Variants in MALRD1 observed in about 807,000 individuals in gnomAD.
MALRD1 encodes MAM and LDL receptor class A domain containing 1.
MALRD1 carries 247 observed loss-of-function variants against 242.1 expected under a neutral mutation model. That is an observed-to-expected ratio of 1.02 (90% confidence interval 0.92 to 1.13). The LOEUF is 1.13. Among genes scored for constraint, MALRD1 ranks in the 50% most tolerant of loss-of-function variants. The probability of loss-of-function intolerance (pLI) is 0.00; values close to 1 mark genes in which losing one functional copy is unlikely to be tolerated. For synonymous variants in MALRD1, 995 were observed against 866.6 expected, an observed-to-expected ratio of 1.15 and a Z score of -2.60; for missense variants, 2,989 against 2,533.1, an observed-to-expected ratio of 1.18 and a Z score of -3.86.
rs868503523 is a variant in MALRD1, at chr10:19,238,446, C to T, written c.2992-19238C>T. On this transcript the variant is annotated intron_variant, in intron 18 of 39. Coordinates refer to ENST00000454679, the MANE Select transcript of MALRD1 (RefSeq NM_001142308.3). ...TACATTATATATAATATATAATATA[C>T]ATTATATATAATATATAATATAATA... Among the ~76,000 whole-genome samples the T allele has an allele frequency of 3.4e-3, 103 of 30,208 alleles. 4 individuals are homozygous for T. The highest frequency in any genetic ancestry group is 5.0e-3 in the Non-Finnish European group (89 of 17,806). 19.8% of individuals were successfully genotyped at this position (30,208 alleles called of 152,430 possible).
intron 28 of MALRD1, among the ~76,000 whole-genome samples, chr10:19,435,206 TTAAC>T (rs1353801756): frequency 1.3e-5 from 2 of 151,696 alleles, no homozygotes; most frequent in Non-Finnish European, 2.9e-5. Flanking sequence ...ATTTATTTAA[TTAAC>T]TGCCTTATTT....
intron 4 of MALRD1, among the ~76,000 whole-genome samples, chr10:19,101,536 A>T (rs1230749401): frequency 3.7e-5 from 5 of 135,288 alleles, no homozygotes; most frequent in African/African-American, 1.3e-4. Flanking sequence ...TAATATTGAT[A>T]TTATAACATA....
chr10:19,215,701 G>T (rs1477584924), intron 18 of MALRD1, among the ~76,000 whole-genome samples: 3 of 151,764 alleles, frequency 2.0e-5, no homozygotes, highest in East Asian at 3.9e-4. Context: ...ACTAGATCCT[G>T]TGCAGACGTG....
At chr10:19,584,339 T>A (rs1321013587) in intron 33 of MALRD1, among the ~76,000 whole-genome samples, 8 of 152,160 alleles carry the variant, frequency 5.3e-5, no homozygotes, top group Non-Finnish European at 1.0e-4. Flanking sequence ...TTGGATCTTT[T>A]CTGCTTTCTC....
intron 24 of MALRD1, among the ~76,000 whole-genome samples, chr10:19,346,003 T>G (rs1844103480): frequency 6.6e-6 from 1 of 152,114 alleles, no homozygotes; most frequent in South Asian, 2.1e-4. Context: ...CAGGATGGTC[T>G]TGAACTCCTA....
chr10:19,547,384 C>A (rs1030310163), intron 32 of MALRD1, among the ~76,000 whole-genome samples: 1 of 152,056 alleles, frequency 6.6e-6, no homozygotes, highest in African/African-American at 2.4e-5. Flanking sequence ...ATGTCCAACA[C>A]CCAGTCACTA....
At chr10:19,396,435 C>T (rs372327641) in intron 28 of MALRD1, among the ~76,000 whole-genome samples, 22 of 152,106 alleles carry the variant, frequency 1.4e-4, no homozygotes, top group African/African-American at 5.3e-4. Flanking sequence ...GTGCTGGCCT[C>T]GTTTATTTCT....
At chr10:19,192,937 T>C (rs943959302) in intron 14 of MALRD1, among the ~76,000 whole-genome samples, 1 of 151,466 alleles carries the variant, frequency 6.6e-6, no homozygotes, top group Non-Finnish European at 1.5e-5. Context: ...GCTTTTTTTT[T>C]CCAGCTGCTT....
chr10:19,432,623 A>T (rs907833623), intron 28 of MALRD1, among the ~76,000 whole-genome samples: 32 of 152,344 alleles, frequency 2.1e-4, no homozygotes, highest in African/African-American at 7.5e-4. Flanking sequence ...TTAAATTGTG[A>T]TAGGAAGACA....
At chr10:19,363,431 C>T (rs756086999) in intron 26 of MALRD1, among the ~76,000 whole-genome samples, 2 of 152,116 alleles carry the variant, frequency 1.3e-5, no homozygotes, top group Admixed American at 1.3e-4. Context: ...GGAGTGACTA[C>T]GTCAGATGTT....
intron 21 of MALRD1, 110 bp from the exon 22 acceptor site, chr10:19,323,839 G>C (rs774633804): frequency 2.8e-5 from 26 of 915,812 alleles, no homozygotes; most frequent in Non-Finnish European, 4.0e-5. Flanking sequence ...TCGAACTCCT[G>C]ACTGCAGGTG....
At chr10:19,525,048 G>C (rs1429105196) in intron 31 of MALRD1, among the ~76,000 whole-genome samples, 2 of 151,592 alleles carry the variant, frequency 1.3e-5, no homozygotes, top group Non-Finnish European at 2.9e-5. Flanking sequence ...GGGATTACAG[G>C]CATGTACCAC....
At chr10:19,566,784 A>G (rs996362260) in intron 32 of MALRD1, among the ~76,000 whole-genome samples, 9 of 151,900 alleles carry the variant, frequency 5.9e-5, no homozygotes, top group African/African-American at 2.2e-4. Flanking sequence ...TAGGTGCAAA[A>G]AGAGAATATA....
intron 38 of MALRD1, among the ~76,000 whole-genome samples, chr10:19,704,162 T>C (rs1833752506): frequency 6.6e-6 from 1 of 152,156 alleles, no homozygotes; most frequent in African/African-American, 2.4e-5. Context: ...ATAACATATA[T>C]TCATGTGAAA....
chr10:19,301,472 A>C (rs1005742610), intron 21 of MALRD1, among the ~76,000 whole-genome samples: 1 of 151,950 alleles, frequency 6.6e-6, no homozygotes, highest in Non-Finnish European at 1.5e-5. Flanking sequence ...CTAAATTCCC[A>C]TCAACAGCAG....
intron 11 of MALRD1, among the ~76,000 whole-genome samples, chr10:19,148,041 A>C (rs1304110057): frequency 6.6e-6 from 1 of 152,196 alleles, no homozygotes; most frequent in African/African-American, 2.4e-5. Flanking sequence ...CTGCAGGATG[A>C]TGGTGACCCA....
At chr10:19,722,050 A>G (rs867071224) in intron 38 of MALRD1, 78 of 152,348 alleles carry the variant, frequency 5.1e-4, no homozygotes, top group African/African-American at 1.8e-3. Context: ...TCATTTCATC[A>G]CTAAACCTTT....
chr10:19,199,813 T>TAAATAAAATA (rs10631948), intron 14 of MALRD1, among the ~76,000 whole-genome samples: 16,648 of 148,528 alleles, frequency 0.11, 1,087 homozygotes, highest in Middle Eastern at 0.18. Flanking sequence ...AATAAATAAA[T>TAAATAAAATA]AAATAAAATA....
At chr10:19,395,545 G>A (rs935770499) in intron 28 of MALRD1, among the ~76,000 whole-genome samples, 5 of 152,132 alleles carry the variant, frequency 3.3e-5, no homozygotes, top group African/African-American at 1.2e-4. Flanking sequence ...GCAAAGGGAT[G>A]ACTGGATAGA....
Sources: gnomAD v4.1 joint callset for allele counts (sites outside exome capture counted in the v4.1 genomes callset) on GRCh38, gnomAD v4.1.1 for gene constraint, MANE v1.5 for transcripts, NCBI Gene and HGNC (gene_info 2026-07-23, HGNC 2026-07-21) for gene names.